PCDH9: variants seen among roughly 807,000 people sequenced by gnomAD.
PCDH9 encodes protocadherin-9.
PCDH9 carries 24 observed loss-of-function variants against 70.6 expected under a neutral mutation model. The ratio of observed to expected loss-of-function variants is 0.34; its 90% CI spans 0.25 to 0.48. PCDH9 has a LOEUF of 0.48. Among genes scored for constraint, PCDH9 ranks in the 20% least tolerant of loss-of-function variants. The pLI, the probability that PCDH9 is intolerant of heterozygous loss-of-function variation, is 0.99. For synonymous variants in PCDH9, 562 were observed against 558.5 expected (o/e 1.01, Z -0.09); for missense variants, 1,281 against 1,503.6 (o/e 0.85, Z 2.45).
intron 4 of PCDH9, among the ~76,000 whole-genome samples, chr13:66,309,609 C>A (rs577457860): frequency 6.6e-6 from 1 of 151,876 alleles, no homozygotes; most frequent in Non-Finnish European, 1.5e-5. Context: ...GCTAATACTG[C>A]AAAAATTATA....
chr13:66,900,784 C>T lies in PCDH9; in HGVS notation c.3138+2720G>A, dbSNP rs180903958. Among the ~76,000 whole-genome samples, 4 of 151,552 alleles carry T rather than the reference C, an allele frequency of 2.6e-5. No individual in the cohort carries two copies. In the East Asian group the frequency reaches 7.8e-4, roughly 29 times the overall value. ...CTCTGTTTAATAGTATAGTTTTCTACAGTTAAATATTTGTGTGTGTTAAAC... is the reference window on the plus strand; with the variant it reads ...CTCTGTTTAATAGTATAGTTTTCTATAGTTAAATATTTGTGTGTGTTAAAC... On this transcript the variant is annotated intron_variant, in intron 3 of 4. Transcript: ENST00000377865.
At chr13:66,924,406 A>C (rs1393822392) in intron 2 of PCDH9, among the ~76,000 whole-genome samples, 1 of 151,818 alleles carries the variant, frequency 6.6e-6, no homozygotes, top group Non-Finnish European at 1.5e-5. Context: ...TCTGCTTTAC[A>C]TAAAAATATA....
chr13:66,863,246 C>T (rs370716496), intron 3 of PCDH9, among the ~76,000 whole-genome samples: 139 of 152,218 alleles, frequency 9.1e-4, no homozygotes, highest in African/African-American at 3.2e-3. Flanking sequence ...TCTAATCTAT[C>T]TGGACTTCAG....
chr13:67,000,780 C>A (rs919181097), intron 2 of PCDH9, among the ~76,000 whole-genome samples: 2 of 152,080 alleles, frequency 1.3e-5, no homozygotes, highest in Non-Finnish European at 2.9e-5. Context: ...AAGGGGATTT[C>A]CAGATTAATT....
intron 4 of PCDH9, among the ~76,000 whole-genome samples, chr13:66,480,009 G>A (rs970654261): frequency 1.3e-5 from 2 of 152,116 alleles, no homozygotes; most frequent in African/African-American, 4.8e-5. Flanking sequence ...CTTTGGGTCT[G>A]CACCACATTT....
chr13:66,370,079 C>A (rs79731892), intron 4 of PCDH9, among the ~76,000 whole-genome samples: 3,574 of 152,116 alleles, frequency 0.023, 140 homozygotes, highest in African/African-American at 0.081. Context: ...CTCTTCACTG[C>A]ACTCAACACT....
chr13:66,416,437 A>T (rs753508705), intron 4 of PCDH9, among the ~76,000 whole-genome samples: 1 of 152,126 alleles, frequency 6.6e-6, no homozygotes, highest in Non-Finnish European at 1.5e-5. Flanking sequence ...AGACTTCAAG[A>T]TGTAATATTA....
intron 2 of PCDH9, among the ~76,000 whole-genome samples, chr13:66,913,244 AGAGAAT>A (rs1380158013): frequency 6.6e-6 from 1 of 152,068 alleles, no homozygotes; most frequent in Admixed American, 6.6e-5. Context: ...ATAGATCCAT[AGAGAAT>A]GGGGTGGGGG....
chr13:66,590,640 G>C (rs2077026535), intron 4 of PCDH9, among the ~76,000 whole-genome samples: 1 of 151,740 alleles, frequency 6.6e-6, no homozygotes, highest in African/African-American at 2.4e-5. Context: ...ACTGTTTGTT[G>C]AAACTTGTTC....
At chr13:66,556,424 A>G (rs1961743830) in intron 4 of PCDH9, among the ~76,000 whole-genome samples, 1 of 152,132 alleles carries the variant, frequency 6.6e-6, no homozygotes, top group Non-Finnish European at 1.5e-5. Flanking sequence ...GCTGAGAAAA[A>G]GAGACAGGCT....
intron 3 of PCDH9, among the ~76,000 whole-genome samples, chr13:66,762,680 G>A (rs1033579283): frequency 2.0e-5 from 3 of 151,916 alleles, no homozygotes; most frequent in African/African-American, 4.8e-5. Flanking sequence ...TTTTGGTTGG[G>A]AGAATGGCAA....
chr13:66,371,149 C>G (rs1956643965), intron 4 of PCDH9, among the ~76,000 whole-genome samples: 1 of 151,960 alleles, frequency 6.6e-6, no homozygotes, highest in Admixed American at 6.6e-5. Flanking sequence ...AAAAATAGCA[C>G]AAAGGTGGTA....
intron 3 of PCDH9, among the ~76,000 whole-genome samples, chr13:66,656,763 C>T (rs4622401): frequency 0.73 from 111,318 of 152,078 alleles, 41,089 homozygotes; most frequent in South Asian, 0.89. Context: ...GGGATATTTA[C>T]AAAATTCCAA....
intron 4 of PCDH9, among the ~76,000 whole-genome samples, chr13:66,360,780 A>C (rs1325129750): frequency 1.3e-5 from 2 of 152,066 alleles, no homozygotes; most frequent in Non-Finnish European, 2.9e-5. Context: ...ATAAATGTTA[A>C]GTGAAGATTT....
At chr13:67,086,685 A>C (rs2086114517) in intron 2 of PCDH9, among the ~76,000 whole-genome samples, 1 of 152,170 alleles carries the variant, frequency 6.6e-6, no homozygotes, top group Non-Finnish European at 1.5e-5. Flanking sequence ...AGTGAAGGCA[A>C]AGTCATCAAT....
chr13:67,044,088 T>C (rs1198979387), intron 2 of PCDH9, among the ~76,000 whole-genome samples: 1 of 152,044 alleles, frequency 6.6e-6, no homozygotes, highest in East Asian at 1.9e-4. Context: ...GGGGGTTGTC[T>C]TGGAAGACAC....
intron 2 of PCDH9, among the ~76,000 whole-genome samples, chr13:66,920,568 T>A (rs1310971791): frequency 6.6e-6 from 1 of 151,062 alleles, no homozygotes; most frequent in Admixed American, 6.6e-5. Flanking sequence ...CTCCATTCAA[T>A]CAAAAAATTA....
chr13:66,559,205 C>T (rs1327496908), intron 4 of PCDH9, among the ~76,000 whole-genome samples: 1 of 152,146 alleles, frequency 6.6e-6, no homozygotes, highest in African/African-American at 2.4e-5. Flanking sequence ...ATCAAAACTA[C>T]TCATATGTTC....
intron 3 of PCDH9, among the ~76,000 whole-genome samples, chr13:66,631,688 C>A (rs536163649): frequency 6.6e-6 from 1 of 151,918 alleles, no homozygotes; most frequent in African/African-American, 2.4e-5. Context: ...CAAAACAAAA[C>A]TAAACAAAAC....
Sources: allele counts gnomAD v4.1 joint callset (sites outside exome capture counted in the v4.1 genomes callset), GRCh38; gene constraint gnomAD v4.1.1; transcripts MANE v1.5; gene names NCBI Gene and HGNC (gene_info 2026-07-23, HGNC 2026-07-21).